The following NEK10 variants were observed in gnomAD, a reference collection of about 807,000 sequenced individuals.
NEK10 encodes serine/threonine-protein kinase Nek10.
In NEK10, 122 loss-of-function variants were observed where a neutral mutation model predicts 159.8. The observed-to-expected ratio is 0.76, with a 90% CI of 0.66 to 0.89. The LOEUF is 0.89. Among genes scored for constraint, NEK10 ranks in the 40% least tolerant of loss-of-function variants. The probability of loss-of-function intolerance (pLI) is 0.00; values close to 1 mark genes in which losing one functional copy is unlikely to be tolerated. For synonymous variants in NEK10, 466 were observed against 457.1 expected (o/e 1.02, Z -0.25); for missense variants, 1,342 against 1,323.1 (o/e 1.01, Z -0.22).
chr3:27,156,937 T>G (rs1311660464), intron 30 of NEK10, among the ~76,000 whole-genome samples: 3 of 41,074 alleles, frequency 7.3e-5, no homozygotes, highest in Admixed American at 1.9e-4. Context: ...CTGATATATA[T>G]ATATATATAT....
At chr3:27,355,657 G>A (rs2370959) in intron 1 of NEK10, among the ~76,000 whole-genome samples, 48,955 of 151,894 alleles carry the variant, frequency 0.32, 9,911 homozygotes, top group East Asian at 0.74. Context: ...ACCCCCTCAA[G>A]AGTCTCTCTG....
chr3:27,356,627 T>C (rs1420922458), intron 1 of NEK10, among the ~76,000 whole-genome samples: 1 of 152,196 alleles, frequency 6.6e-6, no homozygotes, highest in Non-Finnish European at 1.5e-5. Context: ...CCTTAAGCAC[T>C]TTCTGCCTGC....
At chr3:27,165,264 T>C (rs1946375234) in intron 29 of NEK10, among the ~76,000 whole-genome samples, 1 of 152,186 alleles carries the variant, frequency 6.6e-6, no homozygotes, top group Non-Finnish European at 1.5e-5. Context: ...AATATAGTCA[T>C]CTGAAATTTC....
intron 23 of NEK10, among the ~76,000 whole-genome samples, chr3:27,242,061 C>T (rs747039947): frequency 5.4e-4 from 82 of 152,190 alleles, no homozygotes; most frequent in Non-Finnish European, 8.5e-4. Flanking sequence ...AACACTTCTA[C>T]TTTTAACATT....
chr3:27,348,245 C>A (rs1271278486), intron 3 of NEK10, among the ~76,000 whole-genome samples: 1 of 152,126 alleles, frequency 6.6e-6, no homozygotes, highest in Non-Finnish European at 1.5e-5. Flanking sequence ...ACCATTAGTA[C>A]AACTCCTAGA....
rs1372457983 is a variant in NEK10, at chr3:27,297,214, C to G, written c.1195G>C (p.Val399Leu). Reference sequence around the variant, plus strand: ...TGGTGGGCATTGGTGTCATTGAGCACCAGCTCAGTGAGGGCAGCACAGCAG... The same window carrying G: ...TGGTGGGCATTGGTGTCATTGAGCAGCAGCTCAGTGAGGGCAGCACAGCAG... ...AACCAALTEL[V>L]LNDTNAHQVV... Residue 399 changes from valine (V) to leucine (L), a missense_variant, in exon 14 of 36, where the codon GTG (valine) becomes CTG (leucine). Val to Leu is a conservative substitution (Grantham distance 32). Coordinates refer to ENST00000691995, the MANE Select transcript of NEK10 (RefSeq NM_001394966.1). 21 of 1,612,916 alleles carry G rather than the reference C, an allele frequency of 1.3e-5. No homozygotes were observed. The highest frequency in any genetic ancestry group is 1.8e-5 in the Non-Finnish European group (21 of 1,179,076).
intron 5 of NEK10, 59 bp downstream of exon 5, chr3:27,344,213 C>A (rs2149783898): frequency 2.5e-6 from 2 of 808,732 alleles, no homozygotes; most frequent in South Asian, 1.6e-5. Flanking sequence ...GTTCTAGAGA[C>A]AAGATAGATG....
At chr3:27,224,350 C>A (rs905552662) in intron 23 of NEK10, among the ~76,000 whole-genome samples, 2 of 152,222 alleles carry the variant, frequency 1.3e-5, no homozygotes, top group Admixed American at 1.3e-4. Flanking sequence ...GCTTCTGTAC[C>A]CAGGCCCCTG....
At chr3:27,127,837 C>T (rs114379298) in intron 32 of NEK10, among the ~76,000 whole-genome samples, 1 of 152,062 alleles carries the variant, frequency 6.6e-6, no homozygotes, top group Non-Finnish European at 1.5e-5. Context: ...TTAATCTTTA[C>T]AGGCAATCCC....
intron 23 of NEK10, among the ~76,000 whole-genome samples, chr3:27,223,783 C>T (rs140362057): frequency 0.015 from 2,261 of 152,278 alleles, 28 homozygotes; most frequent in Middle Eastern, 0.038. Flanking sequence ...GAAACACTCC[C>T]CTGAGGCTCC....
rs772270809 is a variant in NEK10 at position 27,291,600 on chromosome 3, T to G, written c.1374-14A>C. ...GTGGGGAAAAGTCTACAGAGAATAT[T>G]ACACACACTTAAAGTAGAACTTGGA... is the stretch of plus-strand genomic sequence containing the variant. On this transcript the variant is annotated splice_polypyrimidine_tract_variant and intron_variant, in intron 16 of 35. Coordinates refer to ENST00000691995, the MANE Select transcript of NEK10 (RefSeq NM_001394966.1). 6.6e-6 allele frequency: 9 copies of G among 1,364,544 alleles called. No homozygotes were observed. The highest frequency in any genetic ancestry group is 9.4e-6 in the Non-Finnish European group (9 of 953,482). 84.5% of individuals were successfully genotyped at this position (1,364,544 alleles called of 1,614,324 possible).
rs2043304274 is a variant in NEK10 at position 27,295,689 on chromosome 3, T to C, written c.1232A>G (p.Glu411Gly). The change falls in exon 15 of 36, where the codon GAA becomes GGA. Residue 411 changes from glutamate (E) to glycine (G), a missense_variant and splice_region_variant. Coordinates refer to ENST00000691995, the MANE Select transcript of NEK10 (RefSeq NM_001394966.1). The part of the protein sequence containing the change: ...NDTNAHQVVQ[E>G]NGVYTIAKLI... ...TTTTGCTATTGTATATACACCATTT[T>C]CCTGAAAGAATAAAGGGGTCATACT... 3.2e-6 allele frequency: 5 copies of C among 1,563,600 alleles called. No individual in the cohort carries two copies. In the South Asian group the frequency reaches 5.9e-5, roughly 18 times the overall value.
At chr3:27,171,547 C>T (rs1480799120) in intron 29 of NEK10, among the ~76,000 whole-genome samples, 4 of 152,062 alleles carry the variant, frequency 2.6e-5, no homozygotes, top group Admixed American at 6.6e-5. Flanking sequence ...TGCCCTACCC[C>T]GCCGGCCCAC....
In NEK10 at chr3:27,111,159, G is replaced by C. The variant is rs1268342353; in HGVS notation, c.*113C>G. On this transcript the variant is annotated 3_prime_UTR_variant, in exon 36 of 36. Transcript: ENST00000691995. Reference sequence around the variant, plus strand: ...GTCCTGCAGGCCCCATGGCATCTTGGTCTTTTCCACACCCTCTAGCAGCAC... The same window carrying C: ...GTCCTGCAGGCCCCATGGCATCTTGCTCTTTTCCACACCCTCTAGCAGCAC... 1 of 958,566 alleles carries C rather than the reference G, an allele frequency of 1.0e-6. No individual in the cohort carries two copies. Among genetic ancestry groups the C allele is most frequent in the Non-Finnish European group, 1.6e-6 (1 of 626,880 alleles). 59.4% of individuals were successfully genotyped at this position (958,566 alleles called of 1,614,324 possible). A position where few individuals can be genotyped will look rare whatever the true frequency, so the allele number is the denominator to read the frequency against.
intron 12 of NEK10, 109 bp from the exon 13 acceptor site, chr3:27,301,944 CATT>C: frequency 1.2e-6 from 1 of 809,662 alleles, no homozygotes; most frequent in Non-Finnish European, 2.0e-6. Context: ...ATGAAGGCAT[CATT>C]ATTGTTTCAC....
intron 23 of NEK10, among the ~76,000 whole-genome samples, chr3:27,220,823 T>G (rs529198122): frequency 1.3e-5 from 2 of 152,288 alleles, no homozygotes; most frequent in East Asian, 3.9e-4. Context: ...AGGATATGCA[T>G]ATAGATTGAT....
chr3:27,241,567 C>A (rs1166075515), intron 23 of NEK10, among the ~76,000 whole-genome samples: 1 of 152,212 alleles, frequency 6.6e-6, no homozygotes, highest in Non-Finnish European at 1.5e-5. Flanking sequence ...AGTACCTCAA[C>A]AGATTTGAGT....
intron 23 of NEK10, among the ~76,000 whole-genome samples, chr3:27,236,631 G>A (rs557329538): frequency 5.3e-5 from 8 of 152,270 alleles, no homozygotes; most frequent in African/African-American, 1.7e-4. Flanking sequence ...TGTCCCACCT[G>A]AGCCGCAAAA....
rs115087459 is a variant in NEK10 at position 27,327,580 on chromosome 3, A to C, written c.363-5319T>G. Among the ~76,000 whole-genome samples, 1,407 of 152,286 alleles carry C rather than the reference A, an allele frequency of 9.2e-3. 12 individuals carry two copies. The highest frequency in any genetic ancestry group is 0.013 in the Non-Finnish European group (891 of 68,022). On this transcript the variant is annotated intron_variant, in intron 5 of 35. Transcript: ENST00000691995. ...AGAGTAGCCAGGGTTTCAACTTCTTACACAGTAAGAGAAACAAATATGTGA... is the reference window on the plus strand; with the variant it reads ...AGAGTAGCCAGGGTTTCAACTTCTTCCACAGTAAGAGAAACAAATATGTGA...
Sources: allele counts gnomAD v4.1 joint callset (sites outside exome capture counted in the v4.1 genomes callset), GRCh38; gene constraint gnomAD v4.1.1; transcripts MANE v1.5; gene names NCBI Gene and HGNC (gene_info 2026-07-23, HGNC 2026-07-21).